Variants in SLC24A3 observed in about 807,000 individuals in gnomAD.
SLC24A3 encodes the protein sodium/potassium/calcium exchanger 3.
A neutral mutation model predicts 75.8 loss-of-function variants in SLC24A3; 28 were observed. The observed-to-expected ratio is 0.37, with a 90% CI of 0.27 to 0.51. SLC24A3 has a LOEUF of 0.51. Ranked by LOEUF, SLC24A3 falls within the 20% of genes least tolerant of loss-of-function variation. The pLI is 0.94. For missense variants in SLC24A3, 663 were observed against 847.8 expected, an observed-to-expected ratio of 0.78 and a Z score of 2.71; for synonymous variants, 372 against 334.1, an observed-to-expected ratio of 1.11 and a Z score of -1.24.
chr20:19,293,983 G>A (rs999986455), intron 2 of SLC24A3, among the ~76,000 whole-genome samples: 2 of 152,198 alleles, frequency 1.3e-5, no homozygotes, highest in East Asian at 1.9e-4. Context: ...AAATGGCATA[G>A]CATTTGCATA....
chr20:19,386,825 T>C (rs1281730602), intron 2 of SLC24A3, among the ~76,000 whole-genome samples: 4 of 152,194 alleles, frequency 2.6e-5, no homozygotes. Flanking sequence ...TAGTATTTTA[T>C]TGAGGATTTT....
At chr20:19,716,982 T>A (rs936922146) in intron 15 of SLC24A3, among the ~76,000 whole-genome samples, 1 of 152,188 alleles carries the variant, frequency 6.6e-6, no homozygotes, top group African/African-American at 2.4e-5. Context: ...ACATCAGAAA[T>A]GGAATTTTAA....
chr20:19,272,778 T>C (rs1470857859), intron 1 of SLC24A3, among the ~76,000 whole-genome samples: 2 of 152,158 alleles, frequency 1.3e-5, no homozygotes, highest in Non-Finnish European at 2.9e-5. Flanking sequence ...TCTAATGAAG[T>C]GCTGGGACAC....
At chr20:19,679,771 T>C (rs1429377956) in intron 9 of SLC24A3, among the ~76,000 whole-genome samples, 1 of 152,242 alleles carries the variant, frequency 6.6e-6, no homozygotes, top group African/African-American at 2.4e-5. Flanking sequence ...TTTAGTTTCA[T>C]AAATATCATA....
intron 2 of SLC24A3, among the ~76,000 whole-genome samples, chr20:19,478,505 G>A (rs1035101245): frequency 2.0e-5 from 3 of 151,996 alleles, no homozygotes; most frequent in African/African-American, 7.3e-5. Context: ...TTTTTAAAAG[G>A]GGACTGAAAG....
At chr20:19,566,704 A>C (rs540457489) in intron 3 of SLC24A3, among the ~76,000 whole-genome samples, 1 of 152,360 alleles carries the variant, frequency 6.6e-6, no homozygotes, top group African/African-American at 2.4e-5. Flanking sequence ...CAAACCAGGA[A>C]GGTATCTTCC....
At chr20:19,214,009 G>C (rs904387198) in intron 1 of SLC24A3, among the ~76,000 whole-genome samples, 8 of 152,326 alleles carry the variant, frequency 5.3e-5, no homozygotes, top group Admixed American at 5.2e-4. Context: ...GGTCGACGTA[G>C]CTCTAATGCA....
chr20:19,552,231 ACTCT>A (rs1215505230), intron 3 of SLC24A3, among the ~76,000 whole-genome samples: 1 of 151,706 alleles, frequency 6.6e-6, no homozygotes, highest in African/African-American at 2.4e-5. Flanking sequence ...TTCTTCTAAG[ACTCT>A]CTCTCCAGCA....
chr20:19,406,276 T>G (rs1042527697), intron 2 of SLC24A3, among the ~76,000 whole-genome samples: 4 of 151,846 alleles, frequency 2.6e-5, no homozygotes, highest in Non-Finnish European at 1.5e-5. Flanking sequence ...TCATACCCCA[T>G]TGGAAAGATT....
intron 2 of SLC24A3, among the ~76,000 whole-genome samples, chr20:19,512,828 G>T (rs767658328): frequency 6.6e-6 from 1 of 152,326 alleles, no homozygotes; most frequent in East Asian, 1.9e-4. Flanking sequence ...GGAAAGTAAA[G>T]AGCTAACTGG....
At chr20:19,392,389 G>A (rs1411006912) in intron 2 of SLC24A3, among the ~76,000 whole-genome samples, 1 of 152,172 alleles carries the variant, frequency 6.6e-6, no homozygotes, top group African/African-American at 2.4e-5. Context: ...TGAGAGTGGA[G>A]GATATAGGAA....
At chr20:19,228,689 C>G (rs1351247225) in intron 1 of SLC24A3, among the ~76,000 whole-genome samples, 2 of 151,822 alleles carry the variant, frequency 1.3e-5, no homozygotes, top group East Asian at 3.9e-4. Flanking sequence ...GATCAAATGC[C>G]TTATTAACAC....
intron 2 of SLC24A3, among the ~76,000 whole-genome samples, chr20:19,385,324 G>T (rs1324947847): frequency 2.0e-5 from 3 of 152,162 alleles, no homozygotes; most frequent in African/African-American, 7.2e-5. Flanking sequence ...ATTGATTTTT[G>T]TATATGGTGT....
At chr20:19,270,631 G>C (rs1983297482) in intron 1 of SLC24A3, among the ~76,000 whole-genome samples, 1 of 152,146 alleles carries the variant, frequency 6.6e-6, no homozygotes, top group South Asian at 2.1e-4. Flanking sequence ...GGATTTGGTG[G>C]ATGTATTCTG....
chr20:19,690,114 C>T (rs537904015), intron 12 of SLC24A3, among the ~76,000 whole-genome samples: 1 of 149,168 alleles, frequency 6.7e-6, no homozygotes, highest in South Asian at 2.2e-4. Flanking sequence ...TCCTCAAAAT[C>T]ATTTTTAAAA....
intron 2 of SLC24A3, among the ~76,000 whole-genome samples, chr20:19,503,259 C>G (rs1208775685): frequency 6.6e-6 from 1 of 152,092 alleles, no homozygotes; most frequent in Non-Finnish European, 1.5e-5. Context: ...ATGTTTCATT[C>G]AGAGCTATAG....
chr20:19,490,826 T>C (rs1988199308), intron 2 of SLC24A3, among the ~76,000 whole-genome samples: 2 of 152,140 alleles, frequency 1.3e-5, no homozygotes, highest in African/African-American at 4.8e-5. Flanking sequence ...TGCCATCCCT[T>C]GAAGGTTTTA....
chr20:19,289,426 G>A (rs955304160), intron 2 of SLC24A3, among the ~76,000 whole-genome samples: 6 of 152,178 alleles, frequency 3.9e-5, no homozygotes, highest in South Asian at 2.1e-4. Context: ...ACTTAGGGTT[G>A]TCCACCTGTA....
chr20:19,427,050 T>TGTGTGC (rs1483889148), intron 2 of SLC24A3, among the ~76,000 whole-genome samples: 2 of 152,100 alleles, frequency 1.3e-5, no homozygotes, highest in Non-Finnish European at 2.9e-5. Flanking sequence ...TGTATGCCTG[T>TGTGTGC]GTGTGCGTGT....
Sources: allele counts gnomAD v4.1 joint callset (sites outside exome capture counted in the v4.1 genomes callset), GRCh38; gene constraint gnomAD v4.1.1; transcripts MANE v1.5; gene names NCBI Gene and HGNC (gene_info 2026-07-23, HGNC 2026-07-21).